EAPP: variants seen among roughly 807,000 people sequenced by gnomAD.
The protein encoded by EAPP is E2F associated phosphoprotein.
In EAPP, 38 loss-of-function variants were observed where a neutral mutation model predicts 34.3. That is an observed-to-expected ratio of 1.11 (90% CI 0.85 to 1.45). EAPP has a LOEUF of 1.45. Among genes scored for constraint, EAPP ranks in the 40% most tolerant of loss-of-function variants. The pLI, the probability that EAPP is intolerant of heterozygous loss-of-function variation, is 0.00. For synonymous variants in EAPP, 113 were observed against 117.6 expected (o/e 0.96, Z 0.25); for missense variants, 338 against 343.7 (o/e 0.98, Z 0.13).
intron 5 of EAPP, among the ~76,000 whole-genome samples, chr14:34,517,142 G>A (rs1879762761): frequency 6.6e-6 from 1 of 151,344 alleles, no homozygotes; most frequent in African/African-American, 2.4e-5. Context: ...GTTTCATTGT[G>A]TTAGCCAGGA....
At chr14:34,519,975 C>T (rs1159923180) in intron 5 of EAPP, among the ~76,000 whole-genome samples, 2 of 151,350 alleles carry the variant, frequency 1.3e-5, no homozygotes, top group African/African-American at 4.9e-5. Flanking sequence ...ACCTCCACCT[C>T]CCTGGTTCAA....
intron 1 of EAPP, among the ~76,000 whole-genome samples, chr14:34,536,855 A>G (rs1414949212): frequency 6.6e-6 from 1 of 152,086 alleles, no homozygotes; most frequent in Non-Finnish European, 1.5e-5. Flanking sequence ...CTGGGATTAC[A>G]GGATTCAGAA....
intron 4 of EAPP, 115 bp downstream of exon 4, chr14:34,529,243 T>TTG (rs913207922): frequency 2.2e-5 from 16 of 737,730 alleles, no homozygotes; most frequent in South Asian, 5.6e-5. Flanking sequence ...ACTTTTTTGT[T>TTG]TGTGTGTGTG....
At chr14:34,522,881 A>G (rs1234960884) in intron 5 of EAPP, among the ~76,000 whole-genome samples, 13 of 152,098 alleles carry the variant, frequency 8.5e-5, no homozygotes, top group Non-Finnish European at 1.8e-4. Flanking sequence ...AGTGCTTCCT[A>G]TGAGTTGAGG....
At position 34,535,678 on chromosome 14, in the gene EAPP, C is replaced by T. The variant is rs112545467; in HGVS notation, c.256+416G>A. On this transcript the variant is annotated intron_variant, in intron 2 of 5. Coordinates refer to ENST00000250454, the MANE Select transcript of EAPP (RefSeq NM_018453.4). ...CAATCTCCTGACCTCGTGATCCGCC[C>T]GCCTCGGCCTCCCAAAGTGCTAGGA... 4.1e-3 allele frequency among the ~76,000 whole-genome samples: 624 copies of T among 151,394 alleles called. 5 individuals carry two copies. The highest frequency in any genetic ancestry group is 0.014 in the African/African-American group (592 of 41,276).
chr14:34,531,428 C>T (rs369768817), intron 3 of EAPP, among the ~76,000 whole-genome samples: 5 of 152,016 alleles, frequency 3.3e-5, no homozygotes, highest in African/African-American at 1.2e-4. Context: ...CAGTGAAACC[C>T]CATCTCTACT....
chr14:34,531,329 G>A (rs547236593), intron 3 of EAPP, among the ~76,000 whole-genome samples: 1 of 151,618 alleles, frequency 6.6e-6, no homozygotes, highest in East Asian at 2.0e-4. Context: ...AAGGCTGGGC[G>A]CGGTGGCTCA....
chr14:34,536,022 G>A, intron 2 of EAPP, 72 bp downstream of exon 2: 1 of 1,098,320 alleles, frequency 9.1e-7, no homozygotes, highest in South Asian at 1.5e-5. Flanking sequence ...TGGGAACATA[G>A]AAGAGCACAA....
rs765628827 is a variant in EAPP, at chr14:34,516,554, A to G, written c.614T>C (p.Met205Thr). Residue 205 changes from methionine to threonine, a missense_variant, in exon 6 of 6, where the codon ATG becomes ACG. Transcript: ENST00000250454. ...HESYKTQYRAMFVMNCSINKE... is the reference protein window; with the variant it reads ...HESYKTQYRATFVMNCSINKE... ...GTTAATAGAACAATTCATTACAAAC[A>G]TTGCTCTATATTGAGTTTTGTATGA... 8 of 1,613,512 alleles carry G rather than the reference A, an allele frequency of 5.0e-6. No individual in the cohort carries two copies. Among genetic ancestry groups the G allele is most frequent in the Non-Finnish European group, 5.1e-6 (6 of 1,179,894 alleles).
intron 3 of EAPP, among the ~76,000 whole-genome samples, chr14:34,530,157 G>A (rs1194969462): frequency 6.6e-6 from 1 of 151,902 alleles, no homozygotes; most frequent in African/African-American, 2.4e-5. Flanking sequence ...CCGAGATCAC[G>A]CCATTGCACT....
At chr14:34,524,370 CAG>C (rs1471042738) in intron 5 of EAPP, among the ~76,000 whole-genome samples, 4 of 152,088 alleles carry the variant, frequency 2.6e-5, no homozygotes, top group Non-Finnish European at 5.9e-5. Context: ...GCTTGTACGA[CAG>C]AGTGAGACTT....
chr14:34,517,487 A>G (rs532883530), intron 5 of EAPP, among the ~76,000 whole-genome samples: 2 of 147,878 alleles, frequency 1.4e-5, no homozygotes, highest in Non-Finnish European at 3.0e-5. Context: ...GACCTCAGGT[A>G]ATCTGTCCAC....
rs897296059 is a variant in EAPP at position 34,535,753 on chromosome 14, TG to T, written c.256+340del. 1.8e-5 allele frequency: 3 copies of T among 169,120 alleles called. No homozygotes were observed. The Admixed American group carries it at 1.9e-4, about 11-fold the overall frequency. 10.5% of individuals were successfully genotyped at this position (169,120 alleles called of 1,614,324 possible). The stretch of plus-strand genomic sequence containing the variant: ...GGCCCAAATTTTTTTTTTAATTATC[TG>T]GGCACAGTGGTACATGCCTGTAATC... On this transcript the variant is annotated intron_variant, in intron 2 of 5. Transcript: ENST00000250454.
intron 5 of EAPP, among the ~76,000 whole-genome samples, chr14:34,519,219 C>T (rs1292863623): frequency 6.6e-6 from 1 of 152,090 alleles, no homozygotes; most frequent in African/African-American, 2.4e-5. Flanking sequence ...GTGCCTGCTT[C>T]CCCTTTGCCT....
In EAPP at chr14:34,535,735, A is replaced by AT. The variant is rs1006228283; in HGVS notation, c.256+358dup. The AT allele has an allele frequency of 3.8e-3, 612 of 158,968 alleles. 4 individuals carry two copies. The highest frequency in any genetic ancestry group is 0.01 in the African/African-American group (421 of 41,196). 9.8% of individuals were successfully genotyped at this position (158,968 alleles called of 1,614,324 possible). A position where few individuals can be genotyped will look rare whatever the true frequency, so the allele number is the denominator to read the frequency against. On this transcript the variant is annotated intron_variant, in intron 2 of 5. Coordinates refer to ENST00000250454, the MANE Select transcript of EAPP (RefSeq NM_018453.4). ...TCGTGAGCCACCGTGCCCGGCCCAAATTTTTTTTTTAATTATCTGGGCACA... is the reference window on the plus strand; with the variant it reads ...TCGTGAGCCACCGTGCCCGGCCCAAATTTTTTTTTTTAATTATCTGGGCACA...
intron 5 of EAPP, among the ~76,000 whole-genome samples, chr14:34,517,026 C>T (rs1036361632): frequency 1.5e-4 from 22 of 150,772 alleles, no homozygotes; most frequent in Admixed American, 4.6e-4. Context: ...CAAGCTCCGT[C>T]TCCTGGGTTC....
At chr14:34,520,526 G>C (rs1879885098) in intron 5 of EAPP, among the ~76,000 whole-genome samples, 2 of 151,156 alleles carry the variant, frequency 1.3e-5, no homozygotes, top group South Asian at 4.2e-4. Context: ...TTCTGAGACA[G>C]AGTCTCACTC....
In EAPP at chr14:34,539,652, G is replaced by C; in HGVS notation, c.-24C>G. 1 of 1,521,858 alleles carries C rather than the reference G, an allele frequency of 6.6e-7. No homozygotes were observed. Among genetic ancestry groups the C allele is most frequent in the South Asian group, 1.3e-5 (1 of 79,418 alleles). 94.3% of individuals were successfully genotyped at this position (1,521,858 alleles called of 1,614,324 possible). ...ATGGTGGCCTGCAGCGGCCTACACC[G>C]TCCACAAGCAATTTGCAGCGTCTCT... On this transcript the variant is annotated 5_prime_UTR_variant, in exon 1 of 6. Transcript: ENST00000250454.
At chr14:34,519,074 G>A (rs549537305) in intron 5 of EAPP, among the ~76,000 whole-genome samples, 1 of 152,258 alleles carries the variant, frequency 6.6e-6, no homozygotes, top group Admixed American at 6.6e-5. Flanking sequence ...GGACCTGGTG[G>A]GAGGTGACTA....
Sources: gnomAD v4.1 joint callset for allele counts (sites outside exome capture counted in the v4.1 genomes callset) on GRCh38, gnomAD v4.1.1 for gene constraint, MANE v1.5 for transcripts, NCBI Gene and HGNC (gene_info 2026-07-23, HGNC 2026-07-21) for gene names.